CDH23: variants seen among roughly 807,000 people sequenced by gnomAD.
CDH23 encodes the protein cadherin-23.
In CDH23, 189 loss-of-function variants were observed where a neutral mutation model predicts 317.1. The ratio of observed to expected loss-of-function variants is 0.60; its 90% CI spans 0.53 to 0.67. The LOEUF is 0.67. Ranked by LOEUF, CDH23 falls within the 30% of genes least tolerant of loss-of-function variation. The probability of loss-of-function intolerance (pLI) is 0.00; values close to 1 mark genes in which losing one functional copy is unlikely to be tolerated. For missense variants in CDH23, 4,401 were observed against 4,592.4 expected (o/e 0.96, Z 1.20); for synonymous variants, 1,839 against 1,876.8 (o/e 0.98, Z 0.52).
chr10:71,765,126 G>A (rs1261769248), intron 38 of CDH23, among the ~76,000 whole-genome samples: 1 of 152,202 alleles, frequency 6.6e-6, no homozygotes, highest in Non-Finnish European at 1.5e-5. Flanking sequence ...CCTGCCCCAA[G>A]GGGGCCCTGT....
At position 71,399,333 on chromosome 10, in the gene CDH23, A is replaced by C. The variant is rs78227415; in HGVS notation, c.-6+2015A>C. ...ATTTGGTAAGATCCTTGGGTGACTC[A>C]TGTGCTCAGTAAAGTTTGAGCTGTG... On this transcript the variant is annotated intron_variant, in intron 1 of 69. Coordinates refer to ENST00000224721, the MANE Select transcript of CDH23 (RefSeq NM_022124.6). Among the ~76,000 whole-genome samples, 332 of 152,266 alleles carry C rather than the reference A, an allele frequency of 2.2e-3. 3 individuals carry two copies. In the East Asian group the frequency reaches 0.055, roughly 25 times the overall value.
chr10:71,778,158 T>C (rs1222703743), intron 39 of CDH23, 31 bp from the exon 40 acceptor site: 2 of 1,613,216 alleles, frequency 1.2e-6, no homozygotes, highest in African/African-American at 1.3e-5. Context: ...CACCCCTAGA[T>C]CCATCCTTGT....
intron 9 of CDH23, among the ~76,000 whole-genome samples, chr10:71,614,097 G>A (rs1861054086): frequency 6.6e-6 from 1 of 152,216 alleles, no homozygotes; most frequent in Non-Finnish European, 1.5e-5. Context: ...GTGGTCCAGG[G>A]AATTAATGAC....
chr10:71,559,486 G>A (rs1215989672), intron 6 of CDH23, among the ~76,000 whole-genome samples: 2 of 152,196 alleles, frequency 1.3e-5, no homozygotes, highest in Admixed American at 1.3e-4. Context: ...TGGGAAAGAG[G>A]GGGAGGTCTC....
chr10:71,566,137 G>T (rs571930402), intron 6 of CDH23, among the ~76,000 whole-genome samples: 1 of 152,118 alleles, frequency 6.6e-6, no homozygotes, highest in African/African-American at 2.4e-5. Context: ...GGAGAGGGGC[G>T]CCCTGCATCT....
At chr10:71,496,713 C>G (rs1024909535) in intron 3 of CDH23, among the ~76,000 whole-genome samples, 7 of 152,208 alleles carry the variant, frequency 4.6e-5, no homozygotes, top group Non-Finnish European at 1.0e-4. Context: ...CAGAAATCAT[C>G]AAGACCCTGG....
chr10:71,787,195 G>A (rs770108152), intron 44 of CDH23, among the ~76,000 whole-genome samples: 1 of 152,092 alleles, frequency 6.6e-6, no homozygotes, highest in Admixed American at 6.5e-5. Flanking sequence ...CTCCGTGAAG[G>A]AGTTAAATCC....
At chr10:71,672,872 T>C (rs1864205066) in intron 14 of CDH23, among the ~76,000 whole-genome samples, 1 of 152,070 alleles carries the variant, frequency 6.6e-6, no homozygotes. Flanking sequence ...TCTGAAGGGC[T>C]CATCCCCAGG....
intron 19 of CDH23, among the ~76,000 whole-genome samples, chr10:71,689,004 AGGGGTGGTG>A (rs1865053946): frequency 4.5e-5 from 5 of 111,708 alleles, no homozygotes; most frequent in East Asian, 2.9e-4. Context: ...TGGTGGAGCC[AGGGGTGGTG>A]GAGTCAGGGG....
rs1189701823 is a variant in CDH23 at position 71,646,519 on chromosome 10, A to G, written c.1351A>G (p.Ile451Val). The change falls in exon 14 of 70, where the codon ATC becomes GTC. Residue 451 changes from isoleucine (I) to valine (V), a missense_variant. By Grantham distance (29) the Ile-to-Val change is conservative (BLOSUM62 3). Transcript: ENST00000224721. ...CTATGCCAAGGTGAAGATCACTCTC[A>G]TCAATGAAAATGACAACCGGCCCAT... is the stretch of plus-strand genomic sequence containing the variant. ...VGYAKVKITL[I>V]NENDNRPIFS... 1.2e-6 allele frequency: 2 copies of G among 1,613,892 alleles called. No homozygotes were observed. Among genetic ancestry groups the G allele is most frequent in the African/African-American group, 1.3e-5 (1 of 74,922 alleles).
intron 11 of CDH23, among the ~76,000 whole-genome samples, chr10:71,640,446 T>C (rs1014397354): frequency 1.3e-5 from 2 of 152,196 alleles, no homozygotes; most frequent in African/African-American, 4.8e-5. Flanking sequence ...CTGAAGGGCT[T>C]GTTAAAACAG....
chr10:71,777,727 G>A lies in CDH23; in HGVS notation c.4893G>A (p.Ala1631=), dbSNP rs576781235. The change falls in exon 39 of 70, where the codon GCG becomes GCA. Residue 1631 remains alanine (A), a synonymous_variant. Transcript: ENST00000224721. ...YVTIVDENDN[A]PMFQQPHYEV... Reference sequence around the variant, plus strand: ...CCATTGTGGATGAGAATGATAACGCGCCCATGTTCCAGCAGCCCCACTATG... The same window carrying A: ...CCATTGTGGATGAGAATGATAACGCACCCATGTTCCAGCAGCCCCACTATG... 4.2e-5 allele frequency: 68 copies of A among 1,613,402 alleles called. No homozygotes were observed. The highest frequency in any genetic ancestry group is 2.2e-4 in the East Asian group (10 of 44,876).
At chr10:71,517,811 G>A (rs570800478) in intron 6 of CDH23, among the ~76,000 whole-genome samples, 2 of 152,308 alleles carry the variant, frequency 1.3e-5, no homozygotes, top group East Asian at 1.9e-4. Context: ...AGCCAGAGTG[G>A]GTTTTTCTGG....
chr10:71,419,088 G>T (rs1848642124), intron 1 of CDH23, among the ~76,000 whole-genome samples: 1 of 152,166 alleles, frequency 6.6e-6, no homozygotes, highest in Admixed American at 6.5e-5. Flanking sequence ...TGACTTTGAG[G>T]GGACTGAGGG....
chr10:71,810,526 C>A lies in CDH23; in HGVS notation c.9034C>A (p.His3012Asn). 1 of 1,613,962 alleles carries A rather than the reference C, an allele frequency of 6.2e-7. No individual in the cohort carries two copies. The highest frequency in any genetic ancestry group is 8.5e-7 in the Non-Finnish European group (1 of 1,179,868). The change falls in exon 62 of 70, where the codon CAC becomes AAC. Residue 3012 changes from histidine to asparagine, a missense_variant. His to Asn is a moderately conservative substitution (Grantham distance 68). Around this residue, in one of 3 missense-constraint regions of CDH23, gnomAD observed 1,144 missense variants for 1,138.2 expected, o/e 1.01. Coordinates refer to ENST00000224721, the MANE Select transcript of CDH23 (RefSeq NM_022124.6). Reference sequence around the variant, plus strand: ...CTTTGCGCAGACAGAACTGCTTATCCACGTGGTGAACCGCGATACCAACCG... The same window carrying A: ...CTTTGCGCAGACAGAACTGCTTATCAACGTGGTGAACCGCGATACCAACCG... ...VNFAQTELLI[H>N]VVNRDTNRIL...
intron 38 of CDH23, among the ~76,000 whole-genome samples, chr10:71,743,060 G>T (rs528105520): frequency 6.6e-6 from 1 of 152,198 alleles, no homozygotes; most frequent in Admixed American, 6.5e-5. Context: ...CAGCAGAGGC[G>T]TGCAAGGCCT....
chr10:71,744,833 A>G (rs1457125497), intron 38 of CDH23, among the ~76,000 whole-genome samples: 2 of 152,230 alleles, frequency 1.3e-5, no homozygotes, highest in Non-Finnish European at 2.9e-5. Flanking sequence ...CTGAACCATG[A>G]TGCTTTCTTC....
At chr10:71,530,344 CA>C (rs1855301195) in intron 6 of CDH23, among the ~76,000 whole-genome samples, 1 of 152,212 alleles carries the variant, frequency 6.6e-6, no homozygotes, top group Non-Finnish European at 1.5e-5. Flanking sequence ...GCCTTCCTCT[CA>C]CCCTGCCGGT....
intron 68 of CDH23, 22 bp downstream of exon 68, chr10:71,812,912 C>T (rs1488679422): frequency 5.6e-6 from 9 of 1,611,148 alleles, no homozygotes; most frequent in Admixed American, 1.7e-5. Flanking sequence ...CTGCAGGCTC[C>T]GCGCCCAGTC....
Sources: allele counts gnomAD v4.1 joint callset (sites outside exome capture counted in the v4.1 genomes callset), GRCh38; gene constraint gnomAD v4.1.1; regional missense constraint gnomAD v4.1.1; transcripts MANE v1.5; gene names NCBI Gene and HGNC (gene_info 2026-07-23, HGNC 2026-07-21).